Variants in EVI5 observed in about 807,000 individuals in gnomAD.
EVI5 encodes ecotropic viral integration site 5 protein homolog.
Under a neutral mutation model 112.0 loss-of-function variants are expected in EVI5, and 73 were observed. The ratio of observed to expected loss-of-function variants is 0.65; its 90% CI spans 0.54 to 0.79. The LOEUF is 0.79. EVI5 is among the 30% of genes least tolerant of loss of function. The pLI, the probability that EVI5 is intolerant of heterozygous loss-of-function variation, is 0.00. For synonymous variants in EVI5, 305 were observed against 319.9 expected (o/e 0.95, Z 0.50); for missense variants, 900 against 968.8 (o/e 0.93, Z 0.94).
At chr1:92,706,044 T>C (rs1037164659) in intron 2 of EVI5, among the ~76,000 whole-genome samples, 1 of 152,216 alleles carries the variant, frequency 6.6e-6, no homozygotes, top group East Asian at 1.9e-4. Context: ...TACAACAGTA[T>C]AAACTGAACA....
intron 2 of EVI5, among the ~76,000 whole-genome samples, chr1:92,719,716 G>A (rs1177431881): frequency 6.6e-6 from 1 of 151,990 alleles, no homozygotes; most frequent in Non-Finnish European, 1.5e-5. Flanking sequence ...GCAAGAGAAA[G>A]AAATAAAGGA....
intron 1 of EVI5, among the ~76,000 whole-genome samples, chr1:92,742,933 T>C (rs140014197): frequency 3.9e-5 from 6 of 152,334 alleles, no homozygotes; most frequent in Non-Finnish European, 5.9e-5. Flanking sequence ...TAGACATTTA[T>C]ATACCCATAT....
At position 92,513,812 on chromosome 1, in the gene EVI5, C is replaced by T; in HGVS notation, c.2325G>A (p.Leu775=). ...SLQETGVGFP[L]HGKSGSMSLD... ...AAGACATCGAACCAGATTTTCCGTG[C>T]AAAGGAAAACCAACACCAGTTTCCT... The change falls in exon 20 of 20, where the codon TTG becomes TTA. Residue 775 remains leucine, a synonymous_variant. Coordinates refer to ENST00000684568, the MANE Select transcript of EVI5 (RefSeq NM_001350197.2). 1 of 1,613,532 alleles carries T rather than the reference C, an allele frequency of 6.2e-7. No individual in the cohort carries two copies. Among genetic ancestry groups the T allele is most frequent in the Non-Finnish European group, 8.5e-7 (1 of 1,179,886 alleles).
intron 4 of EVI5, 100 bp downstream of exon 4, chr1:92,703,295 T>C: frequency 1.4e-6 from 1 of 707,306 alleles, no homozygotes; most frequent in East Asian, 2.9e-5. Context: ...CCAAAGCAAC[T>C]GATTATTGTG....
At chr1:92,732,687 T>TCAGGAGTTTGAGACCAGCCTGGC (rs1676676893) in intron 2 of EVI5, 1 of 152,740 alleles carries the variant, frequency 6.5e-6, no homozygotes, top group African/African-American at 2.4e-5. Context: ...GATCACAAGG[T>TCAGGAGTTTGAGACCAGCCTGGC]CAGGAGTTTG....
chr1:92,789,565 G>A (rs1222023915), upstream of EVI5, among the ~76,000 whole-genome samples: 4 of 152,166 alleles, frequency 2.6e-5, no homozygotes, highest in East Asian at 1.9e-4. Flanking sequence ...GCCTCCCAAA[G>A]TGCTGAGATT....
chr1:92,758,870 G>C (rs1314123590), intron 1 of EVI5, among the ~76,000 whole-genome samples: 1 of 151,770 alleles, frequency 6.6e-6, no homozygotes, highest in Non-Finnish European at 1.5e-5. Flanking sequence ...AGATGATCAA[G>C]AGCAGATAGA....
Position 92,558,585 on chromosome 1 carries a change from G to C in EVI5, c.2166+5057C>G, listed in dbSNP as rs150406222. On this transcript the variant is annotated intron_variant, in intron 19 of 19. Transcript: ENST00000684568. ...TCTTCCATCCTTCTAAGCCATGTTT[G>C]ATCTTATCTGGACCATTGTAACAGA... 1.0e-3 allele frequency among the ~76,000 whole-genome samples: 155 copies of C among 152,232 alleles called. No homozygotes were observed. In the Middle Eastern group the frequency reaches 0.01, roughly 10 times the overall value.
intron 14 of EVI5, among the ~76,000 whole-genome samples, chr1:92,627,463 T>C (rs1310331413): frequency 2.0e-5 from 3 of 152,242 alleles, no homozygotes; most frequent in South Asian, 2.1e-4. Flanking sequence ...CAATTGTGAA[T>C]TGTGCTGCTA....
intron 14 of EVI5, among the ~76,000 whole-genome samples, chr1:92,628,180 T>G (rs990001530): frequency 1.3e-5 from 2 of 152,240 alleles, no homozygotes; most frequent in Non-Finnish European, 2.9e-5. Context: ...TTGATGAGAT[T>G]GTTTTCGTCT....
At chr1:92,583,998 G>A (rs993993923) in intron 18 of EVI5, among the ~76,000 whole-genome samples, 1 of 152,124 alleles carries the variant, frequency 6.6e-6, no homozygotes, top group Non-Finnish European at 1.5e-5. Context: ...TGCATAGGAT[G>A]TGGGTTTTTC....
chr1:92,684,680 T>C (rs968659523), intron 9 of EVI5, among the ~76,000 whole-genome samples: 4 of 151,744 alleles, frequency 2.6e-5, no homozygotes, highest in East Asian at 1.9e-4. Context: ...AAGACACACA[T>C]AGGCTCAAAG....
At chr1:92,561,617 C>G (rs1557790401) in intron 19 of EVI5, among the ~76,000 whole-genome samples, 202 of 77,234 alleles carry the variant, frequency 2.6e-3, no homozygotes, top group Non-Finnish European at 4.4e-3. Context: ...TCCTATCTAT[C>G]TATCTATCTA....
chr1:92,689,175 A>G (rs1260703007), intron 9 of EVI5, among the ~76,000 whole-genome samples: 1 of 152,192 alleles, frequency 6.6e-6, no homozygotes, highest in African/African-American at 2.4e-5. Flanking sequence ...GAACACATAC[A>G]CTGCTGGGTT....
chr1:92,582,707 C>G (rs965406104), intron 18 of EVI5, among the ~76,000 whole-genome samples: 1 of 152,096 alleles, frequency 6.6e-6, no homozygotes, highest in Admixed American at 6.6e-5. Flanking sequence ...GCTTGGTAGC[C>G]CAAGTTTCCT....
intron 16 of EVI5, among the ~76,000 whole-genome samples, chr1:92,614,094 G>C (rs1341840841): frequency 6.6e-6 from 1 of 152,152 alleles, no homozygotes; most frequent in Non-Finnish European, 1.5e-5. Context: ...GTATTGCTAA[G>C]GGAATTTGAA....
chr1:92,647,372 A>C, intron 13 of EVI5: 1 of 262,380 alleles, frequency 3.8e-6, no homozygotes, highest in Admixed American at 3.6e-5. Context: ...TCTCTTTTGG[A>C]GACATGAAGG....
intron 2 of EVI5, among the ~76,000 whole-genome samples, chr1:92,724,525 A>T (rs1030946943): frequency 2.0e-5 from 3 of 152,192 alleles, no homozygotes; most frequent in African/African-American, 7.2e-5. Context: ...TCAAGACTTT[A>T]GGCTTGGCAC....
intron 14 of EVI5, among the ~76,000 whole-genome samples, chr1:92,629,099 C>G (rs1656319806): frequency 6.6e-6 from 1 of 152,198 alleles, no homozygotes; most frequent in African/African-American, 2.4e-5. Context: ...AGATTCTGCT[C>G]TAAATCATGT....
Sources: gnomAD v4.1 joint callset for allele counts (sites outside exome capture counted in the v4.1 genomes callset) on GRCh38, gnomAD v4.1.1 for gene constraint, MANE v1.5 for transcripts, NCBI Gene and HGNC (gene_info 2026-07-23, HGNC 2026-07-21) for gene names.